CRYBG2: variants seen among roughly 807,000 people sequenced by gnomAD.
CRYBG2 encodes the protein beta/gamma crystallin domain-containing protein 2.
A neutral mutation model predicts 153.4 loss-of-function variants in CRYBG2; 106 were observed. That is an observed-to-expected ratio of 0.69 (90% CI 0.59 to 0.81). The LOEUF is 0.81. CRYBG2 is among the 30% of genes least tolerant of loss of function. The pLI, the probability that CRYBG2 is intolerant of heterozygous loss-of-function variation, is 0.00. For synonymous variants in CRYBG2, 851 were observed against 877.8 expected (o/e 0.97, Z 0.54); for missense variants, 1,996 against 2,112.0 (o/e 0.95, Z 1.08).
chr1:26,341,727 T>C (rs913595023), intron 5 of CRYBG2, among the ~76,000 whole-genome samples: 1 of 152,052 alleles, frequency 6.6e-6, no homozygotes, highest in Non-Finnish European at 1.5e-5. Context: ...CCTCAGGTGA[T>C]CCCCCAACTT....
rs373658132 is a variant in CRYBG2, at chr1:26,322,238, C to T, written c.4823G>A (p.Arg1608His). Reference protein sequence around the residue: ...VVLWAESRLPRQTWSISESGH... With the variant: ...VVLWAESRLPHQTWSISESGH... ...CGATTCACTGATGCTCCACGTCTGG[C>T]GCGGCAGGCGGCTCTCGGCCCACAG... Residue 1608 changes from arginine to histidine, a missense_variant, in exon 19 of 20, where the codon CGC becomes CAC. By Grantham distance (29) the Arg-to-His change is conservative (BLOSUM62 0). Transcript: ENST00000308182. The T allele has an allele frequency of 2.1e-5, 34 of 1,614,002 alleles. No individual in the cohort carries two copies. In the East Asian group the frequency reaches 2.9e-4, roughly 14 times the overall value.
intron 15 of CRYBG2, 26 bp downstream of exon 15, chr1:26,331,463 G>T: frequency 6.2e-7 from 1 of 1,600,608 alleles, no homozygotes; most frequent in South Asian, 1.1e-5. Flanking sequence ...TTCCGGGATT[G>T]CCTGGAACCA....
chr1:26,339,183 G>A, intron 6 of CRYBG2, 107 bp downstream of exon 6: 1 of 1,416,288 alleles, frequency 7.1e-7, no homozygotes, highest in South Asian at 1.4e-5. Context: ...CCCCACCAGT[G>A]GACTGAGCAC....
At chr1:26,351,623 G>C (rs770500646) in intron 1 of CRYBG2, among the ~76,000 whole-genome samples, 30 of 152,172 alleles carry the variant, frequency 2.0e-4, no homozygotes, top group Admixed American at 6.5e-4. Flanking sequence ...CATGAGATCA[G>C]ATATTGTCGA....
At chr1:26,350,902 C>T (rs935957347) in intron 1 of CRYBG2, among the ~76,000 whole-genome samples, 3 of 152,170 alleles carry the variant, frequency 2.0e-5, no homozygotes, top group African/African-American at 7.2e-5. Context: ...TTCCCATTGT[C>T]CTCCTTCCTG....
chr1:26,344,665 C>G lies in CRYBG2; in HGVS notation c.1993G>C (p.Val665Leu), dbSNP rs1003459108. 44 of 1,534,012 alleles carry G rather than the reference C, an allele frequency of 2.9e-5. No individual in the cohort carries two copies. Among genetic ancestry groups the G allele is most frequent in the Non-Finnish European group, 3.8e-5 (43 of 1,145,606 alleles). Residue 665 changes from valine (V) to leucine (L), a missense_variant, in exon 2 of 20, where the codon GTT (valine) becomes CTT (leucine). By Grantham distance (32) the Val-to-Leu change is conservative. Coordinates refer to ENST00000308182, the MANE Select transcript of CRYBG2 (RefSeq NM_001039775.4). ...GTGGCAGGAGCAATTGGGCCTTGAACAGTCTCTTCCTTGGTGAGGGGCGGG... is the reference window on the plus strand; with the variant it reads ...GTGGCAGGAGCAATTGGGCCTTGAAGAGTCTCTTCCTTGGTGAGGGGCGGG... ...LAPPLTKEET[V>L]QGPIAPATSL...
chr1:26,336,553 G>T lies in CRYBG2; in HGVS notation c.4038+53C>A. 2 of 1,539,088 alleles carry T rather than the reference G, an allele frequency of 1.3e-6. No individual in the cohort carries two copies. The highest frequency in any genetic ancestry group is 1.2e-5 in the South Asian group (1 of 83,092). ...CTCTGCGTGGGGGCGGGGCGCACCC[G>T]AACTCCAGGTCCCGCCACCGGGGAG... On this transcript the variant is annotated intron_variant, in intron 12 of 19. Coordinates refer to ENST00000308182, the MANE Select transcript of CRYBG2 (RefSeq NM_001039775.4). The surrounding 1 kb of genome is among the most constrained non-coding windows in gnomAD (Gnocchi z 4.9).
At chr1:26,333,502 G>A (rs1232495548) in intron 14 of CRYBG2, among the ~76,000 whole-genome samples, 2 of 151,742 alleles carry the variant, frequency 1.3e-5, no homozygotes, top group Non-Finnish European at 2.9e-5. Flanking sequence ...GGAGGCAGAG[G>A]TTTCAGTGAG....
In CRYBG2 at chr1:26,343,201, C is replaced by T. The variant is rs1191310957; in HGVS notation, c.2962-42G>A. 6.4e-7 allele frequency: 1 copy of T among 1,550,586 alleles called. No homozygotes were observed. Among genetic ancestry groups the T allele is most frequent in the Non-Finnish European group, 8.7e-7 (1 of 1,146,948 alleles). The stretch of plus-strand genomic sequence containing the variant: ...GGGGTCCTCAGGCCCTGACCCCAGG[C>T]CCCTGCATCCTGCTGCCCCCACCCA... On this transcript the variant is annotated intron_variant, in intron 3 of 19. Transcript: ENST00000308182. The surrounding 1 kb of genome is among the most constrained non-coding windows in gnomAD (Gnocchi z 4.1).
At chr1:26,341,477 T>C (rs544433885) in intron 5 of CRYBG2, among the ~76,000 whole-genome samples, 189 of 152,278 alleles carry the variant, frequency 1.2e-3, no homozygotes, top group Admixed American at 3.5e-3. Flanking sequence ...ACAATGTTGT[T>C]GTTTTCACAG....
chr1:26,348,813 C>T (rs1285859728), intron 1 of CRYBG2, among the ~76,000 whole-genome samples: 1 of 151,636 alleles, frequency 6.6e-6, no homozygotes, highest in Non-Finnish European at 1.5e-5. Flanking sequence ...GCCTTGGCCT[C>T]CCAAAGTGCT....
At chr1:26,328,668 T>C (rs112740218) in intron 16 of CRYBG2, 66 bp downstream of exon 16, 1 of 1,548,516 alleles carries the variant, frequency 6.5e-7, no homozygotes, top group Non-Finnish European at 8.7e-7. Context: ...ACCCCCAGGA[T>C]CTCTGTCTTG....
intron 14 of CRYBG2, among the ~76,000 whole-genome samples, chr1:26,334,775 T>A (rs2074034873): frequency 6.6e-6 from 1 of 151,722 alleles, no homozygotes; most frequent in African/African-American, 2.4e-5. Flanking sequence ...ATACAAAAAT[T>A]AGCTGGGCGT....
chr1:26,336,735 G>T lies in CRYBG2; in HGVS notation c.3912-3C>A, dbSNP rs1322293774. Reference sequence around the variant, plus strand: ...CCACCTCCTGGTAGGCCACCCACCTGCAGGAAGGGCGGGGCGCGAGTCAGC... The same window carrying T: ...CCACCTCCTGGTAGGCCACCCACCTTCAGGAAGGGCGGGGCGCGAGTCAGC... On this transcript the variant is annotated splice_polypyrimidine_tract_variant and splice_region_variant and intron_variant, in intron 11 of 19. Transcript: ENST00000308182. This position sits in a 1 kb window ranked among gnomAD's most constrained non-coding sequence, Gnocchi z 4.9. The T allele has an allele frequency of 1.3e-6, 2 of 1,583,528 alleles. No individual in the cohort carries two copies. The highest frequency in any genetic ancestry group is 8.6e-7 in the Non-Finnish European group (1 of 1,164,708).
chr1:26,331,352 C>T, intron 15 of CRYBG2, 137 bp downstream of exon 15: 1 of 1,291,908 alleles, frequency 7.7e-7, no homozygotes, highest in African/African-American at 1.5e-5. Context: ...TTTACAGCCC[C>T]AGAGTCAAGG....
intron 18 of CRYBG2, 105 bp from the exon 19 acceptor site, chr1:26,322,428 G>A: frequency 7.6e-7 from 1 of 1,309,268 alleles, no homozygotes; most frequent in Non-Finnish European, 1.0e-6. Flanking sequence ...CTTAGGGACT[G>A]TGGCCCTGGG....
intron 17 of CRYBG2, among the ~76,000 whole-genome samples, chr1:26,327,604 G>T (rs927739667): frequency 6.6e-6 from 1 of 151,046 alleles, no homozygotes; most frequent in Non-Finnish European, 1.5e-5. Context: ...AGCCGAGATC[G>T]TGCCATTGCA....
intron 17 of CRYBG2, among the ~76,000 whole-genome samples, chr1:26,327,395 G>T (rs2073938092): frequency 6.6e-6 from 1 of 152,046 alleles, no homozygotes; most frequent in Non-Finnish European, 1.5e-5. Context: ...TTGAACCCAG[G>T]GGGCAGAGGT....
At chr1:26,341,912 C>A (rs569166166) in intron 5 of CRYBG2, among the ~76,000 whole-genome samples, 31 of 152,314 alleles carry the variant, frequency 2.0e-4, no homozygotes, top group African/African-American at 6.3e-4. Flanking sequence ...TTCCACCTGG[C>A]AGCCAGTGGG....
Sources: gnomAD v4.1 joint callset for allele counts (sites outside exome capture counted in the v4.1 genomes callset) on GRCh38, gnomAD v4.1.1 for gene constraint, Gnocchi (gnomAD v3.1) non-coding constraint, MANE v1.5 for transcripts, NCBI Gene and HGNC (gene_info 2026-07-23, HGNC 2026-07-21) for gene names.